The following SP140L variants were observed in gnomAD, a reference collection of about 807,000 sequenced individuals.
The protein encoded by SP140L is SP140 like nuclear body protein.
SP140L carries 64 observed loss-of-function variants against 84.3 expected under a neutral mutation model. The observed-to-expected ratio is 0.76, with a 90% CI of 0.62 to 0.94. The LOEUF (loss-of-function observed/expected upper bound fraction) is 0.94. SP140L is among the 40% of genes least tolerant of loss of function. The pLI is 0.00. For missense variants in SP140L, 628 were observed against 692.5 expected, an observed-to-expected ratio of 0.91 and a Z score of 1.05; for synonymous variants, 242 against 236.9, an observed-to-expected ratio of 1.02 and a Z score of -0.20.
chr2:230,375,153 A>G (rs1202509115), intron 7 of SP140L, among the ~76,000 whole-genome samples: 1 of 152,256 alleles, frequency 6.6e-6, no homozygotes, highest in Non-Finnish European at 1.5e-5. Flanking sequence ...TATAACACAC[A>G]TAGAATTCAT....
intron 7 of SP140L, among the ~76,000 whole-genome samples, chr2:230,377,646 G>A (rs1260705539): frequency 6.6e-6 from 1 of 152,076 alleles, no homozygotes; most frequent in East Asian, 1.9e-4. Context: ...ATTTTGGGGA[G>A]TGAATGCCCA....
rs2060451158 is a variant in SP140L, at chr2:230,354,271, A to G, written c.108-3534A>G. Among the ~76,000 whole-genome samples, 4 of 152,344 alleles carry G rather than the reference A, an allele frequency of 2.6e-5. No homozygotes were observed. The South Asian group carries it at 8.3e-4, about 32-fold the overall frequency. ...CAATCAATGTGATTCACCAATTAAA[A>G]AATAAAGAAGGAAAATCATATGAAT... is the stretch of plus-strand genomic sequence containing the variant. On this transcript the variant is annotated intron_variant, in intron 2 of 18. Transcript: ENST00000415673.
chr2:230,371,527 T>C (rs2061070416), intron 6 of SP140L, 71 bp from the exon 7 acceptor site: 3 of 1,303,488 alleles, frequency 2.3e-6, no homozygotes, highest in Non-Finnish European at 3.2e-6. Flanking sequence ...TTCTATAGTA[T>C]GAATTGTCCT....
chr2:230,358,589 C>A (rs1015338217), intron 3 of SP140L, among the ~76,000 whole-genome samples: 1 of 152,168 alleles, frequency 6.6e-6, no homozygotes, highest in Non-Finnish European at 1.5e-5. Context: ...CAGGCCAAAT[C>A]AGTCTTGGGG....
chr2:230,396,956 G>A (rs1180716970), intron 14 of SP140L, among the ~76,000 whole-genome samples, 158 bp downstream of exon 14: 1 of 152,178 alleles, frequency 6.6e-6, no homozygotes, highest in Admixed American at 6.5e-5. Flanking sequence ...AGGTAGATGT[G>A]CTTGGGCCTT....
intron 14 of SP140L, among the ~76,000 whole-genome samples, chr2:230,398,086 TA>T (rs1255555152): frequency 2.0e-5 from 3 of 147,328 alleles, no homozygotes; most frequent in African/African-American, 7.5e-5. Flanking sequence ...TGAAGAGCTT[TA>T]AAAAATATTG....
rs2062245968 is a variant in SP140L at position 230,400,112 on chromosome 2, T to C, written c.1198-15T>C. The C allele has an allele frequency of 6.2e-7, 1 of 1,613,714 alleles. No individual in the cohort carries two copies. Among genetic ancestry groups the C allele is most frequent in the Non-Finnish European group, 8.5e-7 (1 of 1,179,772 alleles). On this transcript the variant is annotated splice_polypyrimidine_tract_variant and intron_variant, in intron 14 of 18. Coordinates refer to ENST00000415673, the MANE Select transcript of SP140L (RefSeq NM_138402.6). ...TTGTGATTCCCAGTGACGTGGACAC[T>C]GTTTTACCTTCTAGATGAGAAACTT... is the stretch of plus-strand genomic sequence containing the variant.
chr2:230,330,741 G>A lies in SP140L; in HGVS notation c.107+1910G>A, dbSNP rs565717961. On this transcript the variant is annotated intron_variant, in intron 2 of 18. Coordinates refer to ENST00000415673, the MANE Select transcript of SP140L (RefSeq NM_138402.6). ...ACTATAGTAGTCCTTCTTTATCCAC[G>A]GTTTCACTTTCTGAGGTTTCATTTA... Among the ~76,000 whole-genome samples the A allele has an allele frequency of 8.5e-5, 13 of 152,052 alleles. No individual in the cohort carries two copies. In the East Asian group the frequency reaches 2.5e-3, roughly 29 times the overall value.
At chr2:230,363,084 G>T (rs1283688001) in intron 5 of SP140L, among the ~76,000 whole-genome samples, 2 of 152,072 alleles carry the variant, frequency 1.3e-5, no homozygotes, top group East Asian at 1.9e-4. Flanking sequence ...GTGCATTTTT[G>T]ACTTATGAGA....
intron 2 of SP140L, among the ~76,000 whole-genome samples, chr2:230,351,230 A>T (rs965110790): frequency 1.3e-5 from 2 of 152,246 alleles, no homozygotes; most frequent in African/African-American, 4.8e-5. Context: ...ATTCATGCTC[A>T]CACCAGCCAT....
At chr2:230,354,812 A>G (rs1185045948) in intron 2 of SP140L, among the ~76,000 whole-genome samples, 1 of 144,062 alleles carries the variant, frequency 6.9e-6, no homozygotes, top group Non-Finnish European at 1.5e-5. Flanking sequence ...AGAGAGAGAG[A>G]AAGAAAAAGA....
intron 13 of SP140L, among the ~76,000 whole-genome samples, chr2:230,394,776 C>G (rs1259601769): frequency 6.6e-6 from 1 of 152,038 alleles, no homozygotes; most frequent in Non-Finnish European, 1.5e-5. Flanking sequence ...CTCCATGGGT[C>G]CTCTGTGCCT....
chr2:230,364,020 A>G (rs912979557), intron 5 of SP140L, among the ~76,000 whole-genome samples: 3 of 152,010 alleles, frequency 2.0e-5, no homozygotes, highest in Admixed American at 1.3e-4. Context: ...CCATTTGTCT[A>G]TGTGTCTATT....
At chr2:230,334,137 T>A (rs2059802070) in intron 2 of SP140L, among the ~76,000 whole-genome samples, 2 of 152,244 alleles carry the variant, frequency 1.3e-5, no homozygotes, top group Non-Finnish European at 2.9e-5. Flanking sequence ...ATGCCTCTCG[T>A]TGACTGTACC....
intron 7 of SP140L, among the ~76,000 whole-genome samples, chr2:230,373,294 G>A (rs1468116469): frequency 6.6e-6 from 1 of 152,200 alleles, no homozygotes. Flanking sequence ...GCCTTCCATT[G>A]AAAGAAGATT....
chr2:230,351,103 G>A (rs548297772), intron 2 of SP140L, among the ~76,000 whole-genome samples: 56 of 152,260 alleles, frequency 3.7e-4, no homozygotes, highest in Non-Finnish European at 1.3e-4. Context: ...GATACATGTT[G>A]ATCTTTTTAT....
chr2:230,340,753 C>A (rs28827616), intron 2 of SP140L, among the ~76,000 whole-genome samples: 1,137 of 103,318 alleles, frequency 0.011, no homozygotes, highest in Middle Eastern at 0.014. Context: ...ACTTATGAAG[C>A]TTAGTTTGGC....
chr2:230,387,254 C>A (rs186228179), intron 9 of SP140L, among the ~76,000 whole-genome samples: 10 of 152,310 alleles, frequency 6.6e-5, no homozygotes, highest in African/African-American at 2.4e-4. Flanking sequence ...CCTCCCTATA[C>A]AAGTTTATTA....
chr2:230,327,463 T>C (rs900573238), intron 1 of SP140L, among the ~76,000 whole-genome samples, 162 bp downstream of exon 1: 1 of 152,198 alleles, frequency 6.6e-6, no homozygotes, highest in African/African-American at 2.4e-5. Flanking sequence ...AATAAGGAAA[T>C]CAGATTTTTA....
Sources: gnomAD v4.1 joint callset for allele counts (sites outside exome capture counted in the v4.1 genomes callset) on GRCh38, gnomAD v4.1.1 for gene constraint, MANE v1.5 for transcripts, NCBI Gene and HGNC (gene_info 2026-07-23, HGNC 2026-07-21) for gene names.